Variants in UBR4 observed in about 807,000 individuals in gnomAD.
UBR4 encodes the protein ubiquitin protein ligase E3 component n-recognin 4.
A neutral mutation model predicts 575.6 loss-of-function variants in UBR4; 124 were observed. The observed-to-expected ratio is 0.22, with a 90% CI of 0.19 to 0.25. The LOEUF (loss-of-function observed/expected upper bound fraction) is 0.25. Among genes scored for constraint, UBR4 ranks in the 10% least tolerant of loss-of-function variants. The pLI is 1.00. For missense variants in UBR4, 4,818 were observed against 6,478.8 expected (o/e 0.74, Z 8.80); for synonymous variants, 2,455 against 2,473.7 (o/e 0.99, Z 0.22).
chr1:19,147,894 C>T (rs2085089002), intron 51 of UBR4, 99 bp downstream of exon 51: 3 of 1,515,904 alleles, frequency 2.0e-6, no homozygotes, highest in Non-Finnish European at 2.7e-6. Context: ...GCTATCCTCC[C>T]TCTACCTTAC....
chr1:19,132,160 A>G (rs192459110), intron 60 of UBR4, among the ~76,000 whole-genome samples: 2 of 152,214 alleles, frequency 1.3e-5, no homozygotes, highest in Admixed American at 1.3e-4. Flanking sequence ...AGAGAAAAAT[A>G]TATTGCTTCA....
Position 19,103,947 on chromosome 1 carries a change from T to C in UBR4, c.12901+137A>G, listed in dbSNP as rs574642636. 2,974 of 1,007,394 alleles carry C rather than the reference T, an allele frequency of 3.0e-3. 20 individuals are homozygous for C. Among genetic ancestry groups the C allele is most frequent in the South Asian group, 9.8e-3 (568 of 57,944 alleles). 62.4% of individuals were successfully genotyped at this position (1,007,394 alleles called of 1,614,324 possible). ...CAAGAGCCAACACTTTGTCAAGAAATGAGTCTCCCTTTGAATGCAGGGAGA... is the reference window on the plus strand; with the variant it reads ...CAAGAGCCAACACTTTGTCAAGAAACGAGTCTCCCTTTGAATGCAGGGAGA... On this transcript the variant is annotated intron_variant, in intron 87 of 105. Coordinates refer to ENST00000375254, the MANE Select transcript of UBR4 (RefSeq NM_020765.3).
In UBR4 at chr1:19,121,330, C is replaced by T. The variant is rs766096673; in HGVS notation, c.10000G>A (p.Ala3334Thr). 8.7e-6 allele frequency: 14 copies of T among 1,614,172 alleles called. No individual in the cohort carries two copies. The highest frequency in any genetic ancestry group is 5.5e-5 in the South Asian group (5 of 91,076). ...GATCCCGAAGAGGCTGCCAGTGCAG[C>T]GAGCACCTTGCTGCCGCACAGAGCA... ...SCALCGSKVL[A>T]ALAASSGSSS... The change falls in exon 68 of 106, where the codon GCT becomes ACT. Residue 3334 changes from alanine to threonine, a missense_variant. Around this residue, in one of 29 missense-constraint regions of UBR4, gnomAD observed 550 missense variants for 791.5 expected, o/e 0.69. Coordinates refer to ENST00000375254, the MANE Select transcript of UBR4 (RefSeq NM_020765.3).
chr1:19,096,047 CAAT>C, intron 92 of UBR4: 1 of 202,288 alleles, frequency 4.9e-6, no homozygotes, highest in Admixed American at 5.8e-5. Flanking sequence ...AACAAAGGCA[CAAT>C]AATAACAATA....
At chr1:19,198,078 T>C (rs1321125736) in intron 5 of UBR4, 29 bp from the exon 6 acceptor site, 2 of 1,601,444 alleles carry the variant, frequency 1.2e-6, no homozygotes, top group Non-Finnish European at 1.7e-6. Context: ...CCTGTCAAGA[T>C]ACTATTATCT....
Position 19,076,860 on chromosome 1 carries a change from G to C in UBR4, c.15367C>G (p.Leu5123Val), listed in dbSNP as rs1439469237. The C allele has an allele frequency of 6.2e-7, 1 of 1,608,266 alleles. No homozygotes were observed. The highest frequency in any genetic ancestry group is 1.1e-5 in the South Asian group (1 of 90,084). The change falls in exon 105 of 106, where the codon CTC becomes GTC. Residue 5123 changes from leucine to valine, a missense_variant. Physicochemically the swap from Leu to Val is conservative, Grantham distance 32 (BLOSUM62 1). Around this residue, in one of 29 missense-constraint regions of UBR4, gnomAD observed 212 missense variants for 221.3 expected, o/e 0.96. Coordinates refer to ENST00000375254, the MANE Select transcript of UBR4 (RefSeq NM_020765.3). ...SNTEGGWSCSLAEYIRHNDMP... is the reference protein window; with the variant it reads ...SNTEGGWSCSVAEYIRHNDMP... Reference sequence around the variant, plus strand: ...TCGTTGTGGCGGATGTACTCAGCGAGAGAGCAGGACCAGCCTCCCTCTGTG... The same window carrying C: ...TCGTTGTGGCGGATGTACTCAGCGACAGAGCAGGACCAGCCTCCCTCTGTG...
chr1:19,133,843 C>G (rs1329663294), intron 60 of UBR4, among the ~76,000 whole-genome samples: 1 of 151,854 alleles, frequency 6.6e-6, no homozygotes, highest in Non-Finnish European at 1.5e-5. Context: ...CTTTGGGAGG[C>G]CAAGGTGGGT....
rs1465689812 is a variant in UBR4, at chr1:19,100,542, G to A, written c.13055C>T (p.Thr4352Ile). Reference sequence around the variant, plus strand: ...TTCTTGTTGGGGATCCTTCTCCAGGGTCACAAAGAACTCAGTGACTTCATT... The same window carrying A: ...TTCTTGTTGGGGATCCTTCTCCAGGATCACAAAGAACTCAGTGACTTCATT... ...EENEVTEFFV[T>I]LEKDPQQEDF... The change falls in exon 89 of 106, where the codon ACC (threonine) becomes ATC (isoleucine). Residue 4352 changes from threonine to isoleucine, a missense_variant. Thr to Ile is a moderately conservative substitution (Grantham distance 89). Around this residue, in one of 29 missense-constraint regions of UBR4, gnomAD observed 105 missense variants for 232.8 expected, o/e 0.45. Coordinates refer to ENST00000375254, the MANE Select transcript of UBR4 (RefSeq NM_020765.3). The surrounding 1 kb of genome is among the most constrained non-coding windows in gnomAD (Gnocchi z 4.2). 1 of 1,613,882 alleles carries A rather than the reference G, an allele frequency of 6.2e-7. No individual in the cohort carries two copies. The highest frequency in any genetic ancestry group is 8.5e-7 in the Non-Finnish European group (1 of 1,180,008).
At chr1:19,151,920 TC>T (rs1397433830) in intron 47 of UBR4, 61 bp from the exon 48 acceptor site, 2 of 1,396,826 alleles carry the variant, frequency 1.4e-6, no homozygotes, top group Non-Finnish European at 1.9e-6. Context: ...TAACTAGGAC[TC>T]CTTCTTCTCT....
intron 1 of UBR4, among the ~76,000 whole-genome samples, chr1:19,202,587 T>C (rs1169688723): frequency 1.3e-5 from 2 of 151,724 alleles, no homozygotes; most frequent in African/African-American, 4.8e-5. Flanking sequence ...AACAGAGTTA[T>C]CCCCTACACC....
In UBR4 at chr1:19,084,357, C is replaced by T. The variant is rs539696427; in HGVS notation, c.15008+147G>A. The T allele has an allele frequency of 1.9e-5, 14 of 738,170 alleles. No individual in the cohort carries two copies. In the South Asian group the frequency reaches 2.6e-4, roughly 14 times the overall value. The allele number at this position is 738,170 out of a possible 1,614,324, so 45.7% of individuals were successfully genotyped here. On this transcript the variant is annotated intron_variant, in intron 102 of 105. Coordinates refer to ENST00000375254, the MANE Select transcript of UBR4 (RefSeq NM_020765.3). ...ATGGCCCTAAAAGAATGCAGATGAG[C>T]ATCCCCACCTCGGCAAAAAGGCTGC...
chr1:19,106,777 G>A (rs1409029874), intron 82 of UBR4, 51 bp from the exon 83 acceptor site: 1 of 1,601,544 alleles, frequency 6.2e-7, no homozygotes, highest in African/African-American at 1.3e-5. Flanking sequence ...GAGAGTGACA[G>A]AAGGCAGGGC....
chr1:19,141,099 C>A (rs576710744), intron 57 of UBR4, among the ~76,000 whole-genome samples: 1 of 152,232 alleles, frequency 6.6e-6, no homozygotes, highest in Admixed American at 6.5e-5. Context: ...AGGCAGGACA[C>A]AGGCTGGAGG....
chr1:19,176,675 T>A lies in UBR4; in HGVS notation c.2690A>T (p.Asp897Val), dbSNP rs200046427. ...AGTGGTTGCCCGGCGGCTGTTGCTGTCCTGGGATCCACTTGCCCACCCAAA... is the reference window on the plus strand; with the variant it reads ...AGTGGTTGCCCGGCGGCTGTTGCTGACCTGGGATCCACTTGCCCACCCAAA... The part of the protein sequence containing the change: ...PPFGWASGSQ[D>V]SNSRRATTPL... The change falls in exon 20 of 106, where the codon GAC (aspartate) becomes GTC (valine). Residue 897 changes from aspartate (D) to valine (V), a missense_variant. Coordinates refer to ENST00000375254, the MANE Select transcript of UBR4 (RefSeq NM_020765.3). 6 of 1,614,122 alleles carry A rather than the reference T, an allele frequency of 3.7e-6. No individual in the cohort carries two copies. Among genetic ancestry groups the A allele is most frequent in the Non-Finnish European group, 5.1e-6 (6 of 1,180,006 alleles).
At chr1:19,205,381 T>C (rs2092953844) in intron 1 of UBR4, among the ~76,000 whole-genome samples, 1 of 152,226 alleles carries the variant, frequency 6.6e-6, no homozygotes, top group Non-Finnish European at 1.5e-5. Context: ...CTATCAATCT[T>C]TTTTGTAAAT....
chr1:19,174,080 G>C (rs544111184), intron 22 of UBR4, among the ~76,000 whole-genome samples: 6 of 152,096 alleles, frequency 3.9e-5, no homozygotes, highest in African/African-American at 7.2e-5. Context: ...TAGCACTTGG[G>C]GGGGGACCAC....
chr1:19,084,659 C>G lies in UBR4; in HGVS notation c.14853G>C (p.Glu4951Asp). The G allele has an allele frequency of 1.2e-6, 2 of 1,613,930 alleles. No individual in the cohort carries two copies. Among genetic ancestry groups the G allele is most frequent in the Non-Finnish European group, 1.7e-6 (2 of 1,179,902 alleles). ...TYLQECTGQR[E>D]PTYQLNIHDI... ...CATGGATGTTGAGCTGATACGTGGG[C>G]TCCCGCTGGCCTGTACATTCCTGGA... The change falls in exon 102 of 106, where the codon GAG becomes GAC. Residue 4951 changes from glutamate (E) to aspartate (D), a missense_variant. Glu to Asp is a conservative substitution (Grantham distance 45). Coordinates refer to ENST00000375254, the MANE Select transcript of UBR4 (RefSeq NM_020765.3).
Position 19,151,783 on chromosome 1 carries a change from G to C in UBR4, c.7073C>G (p.Thr2358Ser), listed in dbSNP as rs1466606421. 6.2e-7 allele frequency: 1 copy of C among 1,614,164 alleles called. No individual in the cohort carries two copies. The change falls in exon 48 of 106, where the codon ACT (threonine) becomes AGT (serine). Residue 2358 changes from threonine to serine, a missense_variant. By Grantham distance (58) the Thr-to-Ser change is moderately conservative. Coordinates refer to ENST00000375254, the MANE Select transcript of UBR4 (RefSeq NM_020765.3). Reference sequence around the variant, plus strand: ...TGACGGGGCCCGTTCTATTGCTTGAGTCCCAATCTGGATCCGCATGCCTGT... The same window carrying C: ...TGACGGGGCCCGTTCTATTGCTTGACTCCCAATCTGGATCCGCATGCCTGT... ...VMTGMRIQIGTQAIERAPSYI... is the reference protein window; with the variant it reads ...VMTGMRIQIGSQAIERAPSYI...
intron 11 of UBR4, among the ~76,000 whole-genome samples, chr1:19,189,892 A>G (rs1013781104): frequency 6.6e-5 from 10 of 152,104 alleles, no homozygotes; most frequent in Non-Finnish European, 1.5e-4. Flanking sequence ...TTACCATGTC[A>G]ATACCGGCTT....
Sources: gnomAD v4.1 joint callset for allele counts (sites outside exome capture counted in the v4.1 genomes callset) on GRCh38, gnomAD v4.1.1 for gene constraint, gnomAD v4.1.1 regional missense constraint, Gnocchi (gnomAD v3.1) non-coding constraint, MANE v1.5 for transcripts, NCBI Gene and HGNC (gene_info 2026-07-23, HGNC 2026-07-21) for gene names.